The following RC3H1 variants were observed in gnomAD, a reference collection of about 807,000 sequenced individuals.
The protein encoded by RC3H1 is ring finger and CCCH-type domains 1.
A neutral mutation model predicts 138.2 loss-of-function variants in RC3H1; 50 were observed. The ratio of observed to expected loss-of-function variants is 0.36; its 90% CI spans 0.29 to 0.46. RC3H1 has a LOEUF of 0.46. Among genes scored for constraint, RC3H1 ranks in the 20% least tolerant of loss-of-function variants. The pLI is 1.00. For synonymous variants in RC3H1, 462 were observed against 489.1 expected, an observed-to-expected ratio of 0.94 and a Z score of 0.73; for missense variants, 1,031 against 1,388.1, an observed-to-expected ratio of 0.74 and a Z score of 4.09.
intron 14 of RC3H1, among the ~76,000 whole-genome samples, chr1:173,950,028 G>T (rs746205673): frequency 6.6e-6 from 1 of 152,006 alleles, no homozygotes; most frequent in Non-Finnish European, 1.5e-5. Flanking sequence ...AATTAGCCGG[G>T]CATGGTGGTA....
At chr1:174,005,418 T>A (rs1371445703) in intron 1 of RC3H1, among the ~76,000 whole-genome samples, 3 of 152,226 alleles carry the variant, frequency 2.0e-5, no homozygotes, top group Non-Finnish European at 4.4e-5. Flanking sequence ...AATAATAGAT[T>A]ATCTGGTGAT....
rs1658496675 is a variant in RC3H1 at position 173,934,350 on chromosome 1, G to A, written c.*4371C>T. 6.6e-6 allele frequency: 1 copy of A among 152,064 alleles called. No homozygotes were observed. The highest frequency in any genetic ancestry group is 2.4e-5 in the African/African-American group (1 of 41,420). 9.4% of individuals were successfully genotyped at this position (152,064 alleles called of 1,614,324 possible). A position where few individuals can be genotyped will look rare whatever the true frequency, so the allele number is the denominator to read the frequency against. On this transcript the variant is annotated 3_prime_UTR_variant, in exon 20 of 20. Coordinates refer to ENST00000367696, the MANE Select transcript of RC3H1 (RefSeq NM_172071.4). The stretch of plus-strand genomic sequence containing the variant: ...CACAGTGATAGCAGAAGCTGGGGTG[G>A]GCACAAATGCTTATACACAATATTA...
At chr1:174,001,439 T>A (rs1661563572) in intron 1 of RC3H1, among the ~76,000 whole-genome samples, 1 of 152,148 alleles carries the variant, frequency 6.6e-6, no homozygotes, top group Non-Finnish European at 1.5e-5. Context: ...CTCAAAGGCA[T>A]CATCTTTTTT....
At chr1:173,975,100 T>C (rs1349195952) in intron 7 of RC3H1, among the ~76,000 whole-genome samples, 1 of 151,954 alleles carries the variant, frequency 6.6e-6, no homozygotes, top group Non-Finnish European at 1.5e-5. Flanking sequence ...GAGAAAGCAG[T>C]TTTGTTTTGT....
In RC3H1 at chr1:173,984,708, G is replaced by A. The variant is rs1660954050; in HGVS notation, c.232-89C>T. The A allele has an allele frequency of 2.0e-5, 26 of 1,327,502 alleles. No homozygotes were observed. In the South Asian group the frequency reaches 4.0e-4, roughly 21 times the overall value. 82.2% of individuals were successfully genotyped at this position (1,327,502 alleles called of 1,614,324 possible). A position where few individuals can be genotyped will look rare whatever the true frequency, so the allele number is the denominator to read the frequency against. On this transcript the variant is annotated intron_variant, in intron 2 of 19. Transcript: ENST00000367696. ...TTTATGCACTCATAATGCTGACACT[G>A]GTAACATCAAAACGCCCACTAAATT...
At chr1:174,017,059 AT>A (rs559367656) in intron 1 of RC3H1, among the ~76,000 whole-genome samples, 184 of 152,336 alleles carry the variant, frequency 1.2e-3, no homozygotes, top group African/African-American at 4.2e-3. Flanking sequence ...ATTCTCAAAG[AT>A]TAGCTGAATA....
intron 1 of RC3H1, among the ~76,000 whole-genome samples, chr1:174,003,973 T>C (rs1287489407): frequency 1.3e-5 from 2 of 150,912 alleles, no homozygotes; most frequent in Non-Finnish European, 3.0e-5. Flanking sequence ...TCCCCATGCT[T>C]TTATCACAGT....
At chr1:173,959,987 A>G (rs1659799019) in intron 13 of RC3H1, among the ~76,000 whole-genome samples, 1 of 151,306 alleles carries the variant, frequency 6.6e-6, no homozygotes, top group African/African-American at 2.4e-5. Context: ...GCGTGCCTGT[A>G]ATCTCAGTTA....
In RC3H1 at chr1:173,941,300, G is replaced by C. The variant is rs549573252; in HGVS notation, c.3216C>G (p.Asn1072Lys). The C allele has an allele frequency of 8.1e-6, 13 of 1,613,756 alleles. No individual in the cohort carries two copies. In the East Asian group the frequency reaches 1.1e-4, roughly 14 times the overall value. ...QAENGQPEPQNKVPAEDLTLT... is the reference protein window; with the variant it reads ...QAENGQPEPQKKVPAEDLTLT... ...ATGTAAGGTCCTCAGCCGGAACCTT[G>C]TTTTGTGGTTCTGGTTGTCCATTTT... The change falls in exon 19 of 20, where the codon AAC becomes AAG. Residue 1072 changes from asparagine to lysine, a missense_variant. This residue lies in a region of RC3H1 where 716 missense variants were observed against 837.9 expected (regional missense o/e 0.85). Coordinates refer to ENST00000367696, the MANE Select transcript of RC3H1 (RefSeq NM_172071.4).
intron 9 of RC3H1, among the ~76,000 whole-genome samples, chr1:173,966,680 A>G (rs979898142): frequency 1.1e-4 from 17 of 151,986 alleles, no homozygotes; most frequent in African/African-American, 3.4e-4. Context: ...GTGCCACTGC[A>G]CTCCAGCCTG....
chr1:173,969,640 G>C (rs1660266078), intron 9 of RC3H1, among the ~76,000 whole-genome samples: 1 of 151,902 alleles, frequency 6.6e-6, no homozygotes, highest in Admixed American at 6.6e-5. Context: ...GGCCAAGGCA[G>C]GAGGCTCCCT....
chr1:174,018,069 T>C, intron 1 of RC3H1, among the ~76,000 whole-genome samples: 1 of 151,934 alleles, frequency 6.6e-6, no homozygotes, highest in East Asian at 1.9e-4. Flanking sequence ...TTAAAAAAAG[T>C]AGCCAGGTAA....
chr1:173,952,259 C>A (rs1478704363), intron 13 of RC3H1, 121 bp from the exon 14 acceptor site: 2 of 557,072 alleles, frequency 3.6e-6, no homozygotes, highest in Non-Finnish European at 5.5e-6. Context: ...CGTGCTGAAG[C>A]AACATAATGA....
At chr1:173,981,072 A>G (rs1660794172) in intron 5 of RC3H1, 63 bp from the exon 6 acceptor site, 1 of 1,375,690 alleles carries the variant, frequency 7.3e-7, no homozygotes, top group South Asian at 1.3e-5. Context: ...TTATATGAAC[A>G]TATAATTTTT....
chr1:173,981,763 T>C (rs1330106000), intron 5 of RC3H1, among the ~76,000 whole-genome samples: 1 of 152,068 alleles, frequency 6.6e-6, no homozygotes, highest in Non-Finnish European at 1.5e-5. Context: ...TGTGAGATGC[T>C]AGACTAGAAT....
Position 173,983,584 on chromosome 1 carries a change from G to A in RC3H1, c.426C>T (p.His142=). The change falls in exon 4 of 20, where the codon CAC becomes CAT. Residue 142 remains histidine, a synonymous_variant. Coordinates refer to ENST00000367696, the MANE Select transcript of RC3H1 (RefSeq NM_172071.4). Reference sequence around the variant, plus strand: ...TGCCTTCTTCTTCTACTAGTTGACAGTGGACTAGAGTCACAAGCTTCCTCT... The same window carrying A: ...TGCCTTCTTCTTCTACTAGTTGACAATGGACTAGAGTCACAAGCTTCCTCT... ...PMQRKLVTLV[H]CQLVEEEGRI... 1 of 1,614,158 alleles carries A rather than the reference G, an allele frequency of 6.2e-7. No homozygotes were observed. The highest frequency in any genetic ancestry group is 1.3e-5 in the African/African-American group (1 of 75,034).
At position 173,937,004 on chromosome 1, in the gene RC3H1, A is replaced by G. The variant is rs1241420460; in HGVS notation, c.*1717T>C. The G allele has an allele frequency of 6.7e-6, 1 of 150,082 alleles. No individual in the cohort carries two copies. The highest frequency in any genetic ancestry group is 1.5e-5 in the Non-Finnish European group (1 of 67,724). 9.3% of individuals were successfully genotyped at this position (150,082 alleles called of 1,614,324 possible). Reference sequence around the variant, plus strand: ...AATAAAAAAGAAAGCTCGAATCCCAAGCCAATATGTGTATATCAAATCCTT... The same window carrying G: ...AATAAAAAAGAAAGCTCGAATCCCAGGCCAATATGTGTATATCAAATCCTT... On this transcript the variant is annotated 3_prime_UTR_variant, in exon 20 of 20. Transcript: ENST00000367696.
rs750653341 is a variant in RC3H1, at chr1:173,961,705, T to TA, written c.2202+19dup. 219 of 1,561,842 alleles carry TA rather than the reference T, an allele frequency of 1.4e-4. No individual in the cohort carries two copies. The highest frequency in any genetic ancestry group is 3.2e-4 in the South Asian group (28 of 86,600). On this transcript the variant is annotated intron_variant, in intron 12 of 19. Transcript: ENST00000367696. ...CAACAGTCAAATTAAGTCTATGTAA[T>TA]AAAAAAAAATACAGCATACTCTGAG...
chr1:173,935,562 CT>C lies in RC3H1; in HGVS notation c.*3158del, dbSNP rs1427915372. On this transcript the variant is annotated 3_prime_UTR_variant, in exon 20 of 20. Transcript: ENST00000367696. ...AACTGTATTTCCTATCTGGTTTCAT[CT>C]TTGTCTCTAAAAAAAAAAATTAAAA... is the stretch of plus-strand genomic sequence containing the variant. 6.6e-6 allele frequency: 1 copy of C among 151,736 alleles called. No homozygotes were observed. Among genetic ancestry groups the C allele is most frequent in the Non-Finnish European group, 1.5e-5 (1 of 67,958 alleles). The allele number at this position is 151,736 out of a possible 1,614,324, so 9.4% of individuals were successfully genotyped here.
Sources: allele counts gnomAD v4.1 joint callset (sites outside exome capture counted in the v4.1 genomes callset), GRCh38; gene constraint gnomAD v4.1.1; regional missense constraint gnomAD v4.1.1; transcripts MANE v1.5; gene names NCBI Gene and HGNC (gene_info 2026-07-23, HGNC 2026-07-21).